Variants in PCSK1 observed in about 807,000 individuals in gnomAD.
The protein encoded by PCSK1 is neuroendocrine convertase 1.
In PCSK1, 56 loss-of-function variants were observed where a neutral mutation model predicts 90.6. The observed-to-expected ratio is 0.62, with a 90% CI of 0.50 to 0.77. The LOEUF is 0.77. Ranked by LOEUF, PCSK1 falls within the 30% of genes least tolerant of loss-of-function variation. The pLI is 0.00. For missense variants in PCSK1, 801 were observed against 932.6 expected (o/e 0.86, Z 1.84); for synonymous variants, 348 against 342.4 (o/e 1.02, Z -0.18).
At chr5:96,402,490 T>C (rs1273436676) in intron 9 of PCSK1, among the ~76,000 whole-genome samples, 1 of 152,106 alleles carries the variant, frequency 6.6e-6, no homozygotes, top group African/African-American at 2.4e-5. Context: ...TCAGACTCAG[T>C]GCCTGGTGCT....
intron 6 of PCSK1, among the ~76,000 whole-genome samples, chr5:96,415,524 G>A (rs1760912837): frequency 6.6e-6 from 1 of 152,148 alleles, no homozygotes; most frequent in Non-Finnish European, 1.5e-5. Context: ...CTTACCATGT[G>A]TTTCCCCATA....
chr5:96,418,697 C>G (rs1043807369), intron 5 of PCSK1, among the ~76,000 whole-genome samples: 4 of 152,118 alleles, frequency 2.6e-5, no homozygotes, highest in Admixed American at 2.6e-4. Flanking sequence ...ATTTTCTAAA[C>G]CTAAGGGCTT....
At chr5:96,407,220 C>T (rs1303148938) in intron 9 of PCSK1, among the ~76,000 whole-genome samples, 1 of 151,980 alleles carries the variant, frequency 6.6e-6, no homozygotes, top group Non-Finnish European at 1.5e-5. Flanking sequence ...TTAAAAATTA[C>T]ATAGAAACAA....
At chr5:96,425,072 GAA>G (rs1354220444) in intron 3 of PCSK1, among the ~76,000 whole-genome samples, 2 of 142,856 alleles carry the variant, frequency 1.4e-5, no homozygotes, top group African/African-American at 5.2e-5. Flanking sequence ...AAGAAAGAAA[GAA>G]AACGTAGGGT....
At chr5:96,412,281 G>A in intron 7 of PCSK1, 37 bp downstream of exon 7, 1 of 1,550,930 alleles carries the variant, frequency 6.4e-7, no homozygotes, top group South Asian at 1.1e-5. Context: ...CAGATGGTCA[G>A]GTTTCATTTC....
intron 5 of PCSK1, among the ~76,000 whole-genome samples, chr5:96,421,187 C>A (rs79416403): frequency 0.025 from 3,739 of 152,276 alleles, 151 homozygotes; most frequent in African/African-American, 0.086. Flanking sequence ...TTCACCTCTC[C>A]CTTTAGAAGA....
rs1561363803 is a variant in PCSK1, at chr5:96,398,992, C to G, written c.1475G>C (p.Arg492Thr). The change falls in exon 11 of 14, where the codon AGA becomes ACA. Residue 492 changes from arginine (R) to threonine (T), a missense_variant. Arg to Thr is a moderately conservative substitution (Grantham distance 71). Transcript: ENST00000311106. Reference protein sequence around the residue: ...NGEVIIEIPTRACEGQENAIK... With the variant: ...NGEVIIEIPTTACEGQENAIK... ...AGCATTTTCTTGTCCTTCACAAGCT[C>G]TTGTTGGAATTTCAATGATAACTTC... 1.9e-6 allele frequency: 3 copies of G among 1,612,648 alleles called. No homozygotes were observed. The highest frequency in any genetic ancestry group is 1.1e-5 in the South Asian group (1 of 91,036).
Position 96,397,496 on chromosome 5 carries a change from T to A in PCSK1, c.1589-27A>T, listed in dbSNP as rs764716560. On this transcript the variant is annotated intron_variant, in intron 11 of 13. Transcript: ENST00000311106. ...TATGAAACAAATACAAGTTAATGAATGTCCTAATAGCTCTGATAGTAGGAT... is the reference window on the plus strand; with the variant it reads ...TATGAAACAAATACAAGTTAATGAAAGTCCTAATAGCTCTGATAGTAGGAT... 5.0e-6 allele frequency: 8 copies of A among 1,602,456 alleles called. No homozygotes were observed. In the South Asian group the frequency reaches 5.5e-5, roughly 11 times the overall value.
Position 96,432,895 on chromosome 5 carries a change from C to A in PCSK1, c.148G>T (p.Ala50Ser), listed in dbSNP as rs1761552044. ...AAAAGGTCATAGCCCAGCTCCTCGG[C>A]GATGGCCGAGGCTGCTTCCGGGCCC... ...PGGPEAASAIAEELGYDLLGQ... is the reference protein window; with the variant it reads ...PGGPEAASAISEELGYDLLGQ... The change falls in exon 1 of 14, where the codon GCC becomes TCC. Residue 50 changes from alanine to serine, a missense_variant. Coordinates refer to ENST00000311106, the MANE Select transcript of PCSK1 (RefSeq NM_000439.5). The A allele has an allele frequency of 6.8e-6, 11 of 1,614,036 alleles. No homozygotes were observed. Among genetic ancestry groups the A allele is most frequent in the African/African-American group, 1.3e-5 (1 of 75,056 alleles).
intron 6 of PCSK1, among the ~76,000 whole-genome samples, chr5:96,414,622 G>T (rs2112427213): frequency 6.6e-6 from 1 of 152,254 alleles, no homozygotes; most frequent in East Asian, 1.9e-4. Context: ...AGTAGGCTTG[G>T]AATCTTGTGT....
chr5:96,416,959 G>A (rs1201556087), intron 5 of PCSK1, among the ~76,000 whole-genome samples: 4 of 152,186 alleles, frequency 2.6e-5, no homozygotes, highest in Non-Finnish European at 4.4e-5. Flanking sequence ...CAAGCCAAAA[G>A]CACATTAATG....
chr5:96,426,901 T>C (rs978989046), intron 2 of PCSK1, among the ~76,000 whole-genome samples: 1 of 152,200 alleles, frequency 6.6e-6, no homozygotes, highest in African/African-American at 2.4e-5. Flanking sequence ...TGCAAACCTA[T>C]TAAAAATAAT....
At position 96,430,043 on chromosome 5, in the gene PCSK1, G is replaced by A. The variant is rs7728085; in HGVS notation, c.181-726C>T. Among the ~76,000 whole-genome samples, 1,210 of 152,230 alleles carry A rather than the reference G, an allele frequency of 7.9e-3. 15 individuals carry two copies. Among genetic ancestry groups the A allele is most frequent in the African/African-American group, 0.027 (1,127 of 41,512 alleles). ...CCACTTTCCACTAAAATAAATTATC[G>A]TTGTTATAAAATGTAGCCATTGAAT... On this transcript the variant is annotated intron_variant, in intron 1 of 13. Coordinates refer to ENST00000311106, the MANE Select transcript of PCSK1 (RefSeq NM_000439.5).
chr5:96,408,143 T>C (rs1050720206), intron 9 of PCSK1, 80 bp downstream of exon 9: 7 of 985,994 alleles, frequency 7.1e-6, no homozygotes, highest in African/African-American at 6.4e-5. Flanking sequence ...CCTGTAACCA[T>C]GTATTCAGAA....
intron 11 of PCSK1, 65 bp from the exon 12 acceptor site, chr5:96,397,534 C>CTG: frequency 7.1e-7 from 1 of 1,417,506 alleles, no homozygotes; most frequent in Non-Finnish European, 1.0e-6. Context: ...ACTCTAGCAT[C>CTG]TGATAACTGA....
chr5:96,400,222 A>G, intron 9 of PCSK1, 36 bp from the exon 10 acceptor site: 2 of 1,476,386 alleles, frequency 1.4e-6, no homozygotes, highest in Non-Finnish European at 1.9e-6. Flanking sequence ...CTTTCAGAGA[A>G]AAATGAAGTT....
In PCSK1 at chr5:96,408,286, T is replaced by A; in HGVS notation, c.1133A>T (p.His378Leu). 1 of 1,614,092 alleles carries A rather than the reference T, an allele frequency of 6.2e-7. No homozygotes were observed. Among genetic ancestry groups the A allele is most frequent in the Non-Finnish European group, 8.5e-7 (1 of 1,179,982 alleles). The change falls in exon 9 of 14, where the codon CAC becomes CTC. Residue 378 changes from histidine (H) to leucine (L), a missense_variant. His to Leu is a moderately conservative substitution (Grantham distance 99). Coordinates refer to ENST00000311106, the MANE Select transcript of PCSK1 (RefSeq NM_000439.5). ...AGGTGCAGAGGCCGAGGTGCCTGTG[T>A]GCGTCTCCGTGCAGTCATTGTGCAG... is the stretch of plus-strand genomic sequence containing the variant. ...ADLHNDCTET[H>L]TGTSASAPLA...
At chr5:96,420,581 G>A (rs1274327362) in intron 5 of PCSK1, among the ~76,000 whole-genome samples, 3 of 152,116 alleles carry the variant, frequency 2.0e-5, no homozygotes, top group Non-Finnish European at 4.4e-5. Context: ...CCCCAAGGAA[G>A]AAATAAACAC....
chr5:96,407,815 A>T (rs988475805), intron 9 of PCSK1, among the ~76,000 whole-genome samples: 1 of 152,230 alleles, frequency 6.6e-6, no homozygotes, highest in African/African-American at 2.4e-5. Context: ...ACTTGTTCCT[A>T]ATACTGCCCA....
Sources: allele counts gnomAD v4.1 joint callset (sites outside exome capture counted in the v4.1 genomes callset), GRCh38; gene constraint gnomAD v4.1.1; transcripts MANE v1.5; gene names NCBI Gene and HGNC (gene_info 2026-07-23, HGNC 2026-07-21).